The following OPCML variants were observed in gnomAD, a reference collection of about 807,000 sequenced individuals.
The protein encoded by OPCML is opioid binding protein/cell adhesion molecule like.
OPCML carries 13 observed loss-of-function variants against 37.8 expected under a neutral mutation model. That is an observed-to-expected ratio of 0.34 (90% CI 0.22 to 0.55). OPCML has a LOEUF of 0.55. Ranked by LOEUF, OPCML falls within the 20% of genes least tolerant of loss-of-function variation. OPCML has a pLI of 0.91. For synonymous variants in OPCML, 176 were observed against 168.8 expected, an observed-to-expected ratio of 1.04 and a Z score of -0.33; for missense variants, 341 against 435.6, an observed-to-expected ratio of 0.78 and a Z score of 1.93.
Position 133,259,944 on chromosome 11 carries a change from A to T in OPCML, c.61+272320T>A, listed in dbSNP as rs934287269. Among the ~76,000 whole-genome samples, 3 of 152,350 alleles carry T rather than the reference A, an allele frequency of 2.0e-5. 1 individual carries two copies. Among genetic ancestry groups the T allele is most frequent in the African/African-American group, 2.4e-5 (1 of 41,576 alleles). On this transcript the variant is annotated intron_variant, in intron 1 of 7. Transcript: ENST00000524381. The stretch of plus-strand genomic sequence containing the variant: ...CCTGTCTTCATAGAGTTTCCATTTA[A>T]ATGAAAAGAAAGACAGACAATAGGC...
chr11:132,965,788 C>T lies in OPCML; in HGVS notation c.62-22778G>A, dbSNP rs559828380. On this transcript the variant is annotated intron_variant, in intron 1 of 7. Transcript: ENST00000524381. The stretch of plus-strand genomic sequence containing the variant: ...CCTTGTGATGGATCTGCCTTGGCCT[C>T]CCAAAGTGCTGGGATTACAGGCATG... 1.8e-4 allele frequency among the ~76,000 whole-genome samples: 28 copies of T among 152,316 alleles called. No individual in the cohort carries two copies. The East Asian group carries it at 3.3e-3, about 18-fold the overall frequency.
chr11:133,231,164 G>A (rs544936167), intron 1 of OPCML, among the ~76,000 whole-genome samples: 7 of 152,322 alleles, frequency 4.6e-5, no homozygotes, highest in Non-Finnish European at 8.8e-5. Context: ...TTCAAATGGA[G>A]ATTTCATTGA....
chr11:132,765,565 C>A (rs940543280), intron 2 of OPCML, among the ~76,000 whole-genome samples: 9 of 152,196 alleles, frequency 5.9e-5, no homozygotes, highest in Non-Finnish European at 1.2e-4. Context: ...TGAGGACAAT[C>A]TTTTCTTCTT....
intron 1 of OPCML, among the ~76,000 whole-genome samples, chr11:133,529,369 C>G (rs1163485916): frequency 6.6e-6 from 1 of 152,210 alleles, no homozygotes. Context: ...CCCAGACTAT[C>G]TCTCTCCTCC....
intron 1 of OPCML, chr11:133,024,284 G>T: frequency 1.1e-6 from 1 of 897,514 alleles, no homozygotes; most frequent in Non-Finnish European, 1.3e-6. Context: ...TAGAGCAAGC[G>T]TGTTGTGCAG....
rs1009042898 is a variant in OPCML, at chr11:132,906,055, C to G, written c.146+36871G>C. Among the ~76,000 whole-genome samples the G allele has an allele frequency of 3.6e-4, 55 of 152,160 alleles. 1 individual carries two copies. The highest frequency in any genetic ancestry group is 3.0e-3 in the Admixed American group (46 of 15,274). On this transcript the variant is annotated intron_variant, in intron 2 of 7. Coordinates refer to ENST00000524381, the MANE Select transcript of OPCML (RefSeq NM_001012393.5). Reference sequence around the variant, plus strand: ...TTTGGAAGGGTTTTTTGAAATGCAGCCTAAAATGTGACTTTTATACACCAT... The same window carrying G: ...TTTGGAAGGGTTTTTTGAAATGCAGGCTAAAATGTGACTTTTATACACCAT...
chr11:133,435,830 C>T (rs1946222036), intron 1 of OPCML, among the ~76,000 whole-genome samples: 1 of 152,204 alleles, frequency 6.6e-6, no homozygotes, highest in African/African-American at 2.4e-5. Flanking sequence ...ACTCTAGCCC[C>T]ACCTCTCTAG....
At chr11:133,411,549 G>T (rs989828107) in intron 1 of OPCML, among the ~76,000 whole-genome samples, 1 of 152,138 alleles carries the variant, frequency 6.6e-6, no homozygotes, top group Non-Finnish European at 1.5e-5. Context: ...CCCTCACACA[G>T]TTCCTCAATT....
intron 1 of OPCML, among the ~76,000 whole-genome samples, chr11:133,088,810 G>A (rs1366781056): frequency 6.6e-6 from 1 of 152,176 alleles, no homozygotes; most frequent in African/African-American, 2.4e-5. Flanking sequence ...TGAGAGGGGG[G>A]CAGGTTTGGC....
intron 1 of OPCML, among the ~76,000 whole-genome samples, chr11:133,371,010 G>A (rs1944662669): frequency 6.6e-6 from 1 of 152,094 alleles, no homozygotes; most frequent in African/African-American, 2.4e-5. Flanking sequence ...GTGGACAAAG[G>A]ACATGAATAG....
chr11:133,210,199 G>A (rs1182278324), intron 1 of OPCML, among the ~76,000 whole-genome samples: 1 of 152,166 alleles, frequency 6.6e-6, no homozygotes, highest in African/African-American at 2.4e-5. Context: ...GCGTCTGGGG[G>A]ATACACAGTA....
At chr11:133,463,389 C>T (rs940051662) in intron 1 of OPCML, among the ~76,000 whole-genome samples, 2 of 151,934 alleles carry the variant, frequency 1.3e-5, no homozygotes, top group Non-Finnish European at 2.9e-5. Flanking sequence ...AAAATGCTTA[C>T]AATGGTAAAT....
intron 2 of OPCML, among the ~76,000 whole-genome samples, chr11:132,855,828 A>ATAAC (rs1259955188): frequency 2.0e-5 from 3 of 152,228 alleles, no homozygotes; most frequent in African/African-American, 7.2e-5. Context: ...ACAGCAAAAG[A>ATAAC]TAACTAATGC....
At chr11:132,742,899 TG>T (rs1378962719) in intron 2 of OPCML, among the ~76,000 whole-genome samples, 2 of 151,978 alleles carry the variant, frequency 1.3e-5, no homozygotes, top group Non-Finnish European at 2.9e-5. Context: ...TAACATTAAA[TG>T]TTAAGACACC....
intron 2 of OPCML, among the ~76,000 whole-genome samples, chr11:132,828,272 C>T (rs1213045549): frequency 6.6e-6 from 1 of 152,066 alleles, no homozygotes; most frequent in Non-Finnish European, 1.5e-5. Flanking sequence ...ACACAGAAGA[C>T]ACTTTAGGGC....
At chr11:132,527,796 G>A (rs765891432) in intron 4 of OPCML, among the ~76,000 whole-genome samples, 32 of 152,054 alleles carry the variant, frequency 2.1e-4, no homozygotes, top group Non-Finnish European at 4.1e-4. Flanking sequence ...TCTTTACAGA[G>A]GTAATCAAGT....
chr11:133,091,423 G>GTT (rs1323832417), intron 1 of OPCML, among the ~76,000 whole-genome samples: 1 of 152,176 alleles, frequency 6.6e-6, no homozygotes, highest in Non-Finnish European at 1.5e-5. Flanking sequence ...CGCCAGCCTG[G>GTT]GAAAGTCACA....
At chr11:132,840,307 C>G (rs1332203239) in intron 2 of OPCML, among the ~76,000 whole-genome samples, 1 of 152,154 alleles carries the variant, frequency 6.6e-6, no homozygotes. Flanking sequence ...TTTCTGGTTG[C>G]CTTTGAAATA....
At chr11:133,333,291 T>C (rs930717598) in intron 1 of OPCML, among the ~76,000 whole-genome samples, 1 of 152,148 alleles carries the variant, frequency 6.6e-6, no homozygotes, top group African/African-American at 2.4e-5. Context: ...ACTCCTAACC[T>C]CAGGTGATCC....
Sources: allele counts gnomAD v4.1 joint callset (sites outside exome capture counted in the v4.1 genomes callset), GRCh38; gene constraint gnomAD v4.1.1; transcripts MANE v1.5; gene names NCBI Gene and HGNC (gene_info 2026-07-23, HGNC 2026-07-21).